The following RNLS variants were observed in gnomAD, a reference collection of about 807,000 sequenced individuals.
RNLS encodes the protein renalase.
Under a neutral mutation model 39.8 loss-of-function variants are expected in RNLS, and 39 were observed. The ratio of observed to expected loss-of-function variants is 0.98; its 90% CI spans 0.76 to 1.28. The LOEUF (loss-of-function observed/expected upper bound fraction) is 1.28. Ranked by LOEUF, RNLS falls within the 50% of genes most tolerant of loss-of-function variation. The pLI, the probability that RNLS is intolerant of heterozygous loss-of-function variation, is 0.00. For synonymous variants in RNLS, 147 were observed against 150.7 expected, an observed-to-expected ratio of 0.98 and a Z score of 0.18; for missense variants, 410 against 413.3, an observed-to-expected ratio of 0.99 and a Z score of 0.07.
At chr10:88,243,075 G>A in the RNLS span, among the ~76,000 whole-genome samples, 18 of 152,192 alleles carry the variant, frequency 1.2e-4, no homozygotes, top group Non-Finnish European at 2.1e-4. Context: ...GTAAAACAGT[G>A]ATAATAATAT....
At chr10:88,242,809 T>A in the RNLS span, among the ~76,000 whole-genome samples, 1 of 152,062 alleles carries the variant, frequency 6.6e-6, no homozygotes. Context: ...TAGCCAGGCG[T>A]GGTGGTGCAT....
At position 88,415,079 on chromosome 10, in the gene RNLS, T is replaced by C. The variant is rs572002956; in HGVS notation, c.527-52354A>G. 6.6e-5 allele frequency among the ~76,000 whole-genome samples: 10 copies of C among 152,326 alleles called. No homozygotes were observed. The South Asian group carries it at 1.9e-3, about 28-fold the overall frequency. On this transcript the variant is annotated intron_variant, in intron 4 of 6. Coordinates refer to ENST00000331772, the MANE Select transcript of RNLS (RefSeq NM_001031709.3). ...CTTAGCAGACAATGCTCCTGGCATG[T>C]AGGATGGTCTTGCTTTGAACAAAGA...
At chr10:88,342,216 T>C (rs1467478231) in intron 5 of RNLS, among the ~76,000 whole-genome samples, 1 of 152,198 alleles carries the variant, frequency 6.6e-6, no homozygotes, top group African/African-American at 2.4e-5. Flanking sequence ...GTAGAGCTGC[T>C]CAACCTGCAT....
chr10:88,456,352 AT>A (rs1395099105), intron 4 of RNLS, among the ~76,000 whole-genome samples: 1 of 151,054 alleles, frequency 6.6e-6, no homozygotes, highest in Non-Finnish European at 1.5e-5. Flanking sequence ...TATTTTCTTG[AT>A]GATATATATA....
the RNLS span, among the ~76,000 whole-genome samples, chr10:88,213,474 A>G: frequency 4.6e-5 from 7 of 152,046 alleles, no homozygotes; most frequent in Non-Finnish European, 1.0e-4. Flanking sequence ...AGTTGTTGCA[A>G]GCATCCTTGT....
intron 5 of RNLS, among the ~76,000 whole-genome samples, chr10:88,361,401 A>T (rs926511667): frequency 1.3e-5 from 2 of 152,178 alleles, no homozygotes; most frequent in African/African-American, 4.8e-5. Flanking sequence ...GACAGATATC[A>T]TATCTTATGA....
intron 4 of RNLS, among the ~76,000 whole-genome samples, chr10:88,568,474 TG>T (rs752641284): frequency 9.2e-5 from 14 of 152,092 alleles, no homozygotes; most frequent in Admixed American, 5.2e-4. Flanking sequence ...GTGAATTGTA[TG>T]GTATGTGACT....
chr10:88,185,069 T>C, the RNLS span, among the ~76,000 whole-genome samples: 1 of 152,144 alleles, frequency 6.6e-6, no homozygotes, highest in Admixed American at 6.6e-5. Flanking sequence ...ATCAGAAATA[T>C]AGTCACTGAG....
chr10:88,393,473 T>G (rs1852345717), intron 4 of RNLS, among the ~76,000 whole-genome samples: 3 of 152,162 alleles, frequency 2.0e-5, no homozygotes, highest in South Asian at 2.1e-4. Context: ...TACCTAGGAA[T>G]CCAACTTACA....
chr10:88,217,774 T>C, the RNLS span, among the ~76,000 whole-genome samples: 3 of 130,082 alleles, frequency 2.3e-5, no homozygotes, highest in East Asian at 4.6e-4. Context: ...GCGCAGTGGC[T>C]CACGCCTGTA....
chr10:88,521,766 G>A (rs1846753088), intron 4 of RNLS, among the ~76,000 whole-genome samples: 1 of 152,026 alleles, frequency 6.6e-6, no homozygotes, highest in Non-Finnish European at 1.5e-5. Context: ...AGTTAAAATT[G>A]TGGTACAGAA....
chr10:88,555,329 T>C (rs1188326389), intron 4 of RNLS, among the ~76,000 whole-genome samples: 1 of 151,998 alleles, frequency 6.6e-6, no homozygotes. Context: ...AGTGTTTGTC[T>C]CCTCCAAATG....
the RNLS span, among the ~76,000 whole-genome samples, chr10:88,256,068 CG>C: frequency 6.6e-6 from 1 of 152,088 alleles, no homozygotes; most frequent in Admixed American, 6.5e-5. Context: ...AAAACCAGCC[CG>C]TGGGGAATAT....
At chr10:88,495,250 A>G (rs1845099708) in intron 4 of RNLS, among the ~76,000 whole-genome samples, 1 of 152,154 alleles carries the variant, frequency 6.6e-6, no homozygotes, top group African/African-American at 2.4e-5. Context: ...TACTTGTTGC[A>G]AAAATATGAA....
chr10:88,386,677 C>G (rs1589706650), intron 4 of RNLS, among the ~76,000 whole-genome samples: 1 of 152,184 alleles, frequency 6.6e-6, no homozygotes, highest in Non-Finnish European at 1.5e-5. Context: ...GGATTTCTAG[C>G]TATCATTCCC....
chr10:88,331,711 G>A (rs1266933879), intron 5 of RNLS, among the ~76,000 whole-genome samples: 1 of 152,152 alleles, frequency 6.6e-6, no homozygotes, highest in Non-Finnish European at 1.5e-5. Flanking sequence ...TTCTCATGGC[G>A]GTGGAGGTTG....
the RNLS span, among the ~76,000 whole-genome samples, chr10:88,234,527 G>A: frequency 6.6e-6 from 1 of 152,182 alleles, no homozygotes; most frequent in Non-Finnish European, 1.5e-5. Context: ...GGTGCGCACA[G>A]CAGTGAATAC....
chr10:88,234,892 A>G, the RNLS span, among the ~76,000 whole-genome samples: 2 of 152,150 alleles, frequency 1.3e-5, no homozygotes, highest in Non-Finnish European at 2.9e-5. Flanking sequence ...CTTGCAGATA[A>G]GTGAGATTTC....
At chr10:88,217,011 T>C in the RNLS span, among the ~76,000 whole-genome samples, 1 of 151,928 alleles carries the variant, frequency 6.6e-6, no homozygotes, top group Non-Finnish European at 1.5e-5. Flanking sequence ...ACAGTAATTA[T>C]GAGTGAGTGC....
Sources: allele counts gnomAD v4.1 joint callset (sites outside exome capture counted in the v4.1 genomes callset), GRCh38; gene constraint gnomAD v4.1.1; transcripts MANE v1.5; gene names NCBI Gene and HGNC (gene_info 2026-07-23, HGNC 2026-07-21).